SAXO1: variants seen among roughly 807,000 people sequenced by gnomAD.
SAXO1 encodes the protein stabilizer of axonemal microtubules 1, also known as 4930500O09Rik.
A neutral mutation model predicts 17.5 loss-of-function variants in SAXO1; 21 were observed. The observed-to-expected ratio is 1.20, with a 90% CI of 0.85 to 1.72. The LOEUF (loss-of-function observed/expected upper bound fraction) is 1.72. Ranked by LOEUF, SAXO1 falls within the 40% of genes most tolerant of loss-of-function variation. SAXO1 has a pLI of 0.00. For synonymous variants in SAXO1, 274 were observed against 216.5 expected, an observed-to-expected ratio of 1.27 and a Z score of -2.33; for missense variants, 843 against 596.0, an observed-to-expected ratio of 1.41 and a Z score of -4.32.
At chr9:18,967,666 C>A (rs1337816696) in intron 1 of SAXO1, among the ~76,000 whole-genome samples, 1 of 152,194 alleles carries the variant, frequency 6.6e-6, no homozygotes, top group African/African-American at 2.4e-5. Flanking sequence ...GCCAGCGGAT[C>A]TTAGCTTGTT....
At chr9:19,006,577 C>G (rs930050568) in intron 1 of SAXO1, among the ~76,000 whole-genome samples, 1 of 152,124 alleles carries the variant, frequency 6.6e-6, no homozygotes, top group African/African-American at 2.4e-5. Flanking sequence ...AATTCACAGA[C>G]AGTAAGTACA....
intron 1 of SAXO1, among the ~76,000 whole-genome samples, chr9:18,982,071 TCTCC>T (rs1312721766): frequency 6.6e-6 from 1 of 152,138 alleles, no homozygotes; most frequent in Non-Finnish European, 1.5e-5. Flanking sequence ...CACTCTGTGT[TCTCC>T]CTCCATTCTG....
chr9:18,949,598 C>T (rs1588427029), intron 2 of SAXO1, among the ~76,000 whole-genome samples: 1 of 152,200 alleles, frequency 6.6e-6, no homozygotes, highest in Non-Finnish European at 1.5e-5. Flanking sequence ...ATTGTGGGTG[C>T]TCCTGCCCCA....
chr9:19,027,161 G>T, intron 1 of SAXO1: 1 of 1,172,918 alleles, frequency 8.5e-7, no homozygotes, highest in Non-Finnish European at 1.3e-6. Flanking sequence ...ATCAAGAGGA[G>T]GATGGTCCAA....
chr9:18,934,475 G>C (rs530499875), intron 3 of SAXO1, among the ~76,000 whole-genome samples: 7 of 152,142 alleles, frequency 4.6e-5, no homozygotes, highest in African/African-American at 1.4e-4. Context: ...TTTTATTTTA[G>C]TTATTGCCCT....
chr9:19,014,003 A>T (rs1165430890), intron 1 of SAXO1, among the ~76,000 whole-genome samples: 6 of 152,194 alleles, frequency 3.9e-5, no homozygotes, highest in Admixed American at 6.5e-5. Context: ...GTTAATAACA[A>T]CGTATGAATA....
intron 1 of SAXO1, among the ~76,000 whole-genome samples, chr9:18,982,738 G>C (rs944411197): frequency 5.3e-5 from 8 of 152,188 alleles, no homozygotes; most frequent in African/African-American, 1.9e-4. Flanking sequence ...GTCTGCTTTT[G>C]AACATAACTG....
intron 1 of SAXO1, among the ~76,000 whole-genome samples, chr9:18,975,635 C>G (rs551779251): frequency 2.6e-5 from 4 of 152,282 alleles, no homozygotes; most frequent in African/African-American, 9.6e-5. Flanking sequence ...GTGAGAAGGC[C>G]TCTACAGCAG....
chr9:19,045,208 G>C (rs1836179620), intron 1 of SAXO1, among the ~76,000 whole-genome samples: 1 of 150,586 alleles, frequency 6.6e-6, no homozygotes, highest in Admixed American at 6.6e-5. Context: ...TACTCGGGAG[G>C]CTGAGGCAGG....
At chr9:19,040,370 A>T (rs185329208) in intron 1 of SAXO1, among the ~76,000 whole-genome samples, 1 of 152,282 alleles carries the variant, frequency 6.6e-6, no homozygotes, top group Non-Finnish European at 1.5e-5. Flanking sequence ...AAATGTTTTT[A>T]AAAAGAAAAA....
At chr9:18,972,678 C>G (rs1263317067) in intron 1 of SAXO1, among the ~76,000 whole-genome samples, 1 of 152,208 alleles carries the variant, frequency 6.6e-6, no homozygotes, top group Non-Finnish European at 1.5e-5. Flanking sequence ...GACCTGGAGT[C>G]TCCAACTCTT....
intron 2 of SAXO1, 67 bp from the exon 3 acceptor site, chr9:18,941,906 A>G: frequency 2.1e-6 from 3 of 1,437,922 alleles, no homozygotes; most frequent in East Asian, 2.3e-5. Flanking sequence ...TTTCTGCTCA[A>G]CCCAACTCTA....
In SAXO1 at chr9:19,024,777, G is replaced by A. The variant is rs971422672; in HGVS notation, c.38+8094C>T. ...TATTGGTCTCATTCATCTAAGGGTA[G>A]CTGTTTCCACCCCTCCACCACCCAT... On this transcript the variant is annotated intron_variant, in intron 1 of 3. Transcript: ENST00000380534. 3.3e-5 allele frequency among the ~76,000 whole-genome samples: 5 copies of A among 151,906 alleles called. 1 individual carries two copies. The highest frequency in any genetic ancestry group is 1.3e-4 in the Admixed American group (2 of 15,252).
rs1563920649 is a variant in SAXO1 at position 18,928,293 on chromosome 9, C to T, written c.1184G>A (p.Gly395Asp). ...TTCCACAGGGACATTTCCTCGAGGG[C>T]CAGACCAATGAGGCTTACAGCTTTT... ...NTKSCKPHWSGPRGNVPVESQ... is the reference protein window; with the variant it reads ...NTKSCKPHWSDPRGNVPVESQ... The change falls in exon 4 of 4, where the codon GGC becomes GAC. Residue 395 changes from glycine (G) to aspartate (D), a missense_variant. Gly to Asp is a moderately conservative substitution (Grantham distance 94, BLOSUM62 -1). Coordinates refer to ENST00000380534, the MANE Select transcript of SAXO1 (RefSeq NM_153707.4). The T allele has an allele frequency of 6.2e-7, 1 of 1,612,832 alleles. No homozygotes were observed. Among genetic ancestry groups the T allele is most frequent in the Middle Eastern group, 1.7e-4 (1 of 6,058 alleles).
At chr9:18,974,679 A>G (rs1833066286) in intron 1 of SAXO1, among the ~76,000 whole-genome samples, 1 of 152,170 alleles carries the variant, frequency 6.6e-6, no homozygotes, top group South Asian at 2.1e-4. Context: ...TGAACAAAAC[A>G]GATCAATGAG....
At position 18,928,588 on chromosome 9, in the gene SAXO1, G is replaced by A; in HGVS notation, c.889C>T (p.Pro297Ser). Residue 297 changes from proline (P) to serine (S), a missense_variant, in exon 4 of 4, where the codon CCC (proline) becomes TCC (serine). Physicochemically the swap from Pro to Ser is moderately conservative, Grantham distance 74. Transcript: ENST00000380534. ...GTCAGAAGATCCATCCTGTCTTCGGGAGGGACGTAGGTGATGGGAGCTTTG... is the reference window on the plus strand; with the variant it reads ...GTCAGAAGATCCATCCTGTCTTCGGAAGGGACGTAGGTGATGGGAGCTTTG... ...FSKAPITYVP[P>S]EDRMDLLTTV... 1 of 1,614,134 alleles carries A rather than the reference G, an allele frequency of 6.2e-7. No homozygotes were observed. Among genetic ancestry groups the A allele is most frequent in the Non-Finnish European group, 8.5e-7 (1 of 1,180,018 alleles).
intron 1 of SAXO1, among the ~76,000 whole-genome samples, chr9:18,961,111 A>T (rs1015602854): frequency 2.2e-4 from 34 of 152,186 alleles, no homozygotes; most frequent in African/African-American, 8.2e-4. Context: ...AAGGAAACAA[A>T]TGCTAAAGTA....
intron 1 of SAXO1, among the ~76,000 whole-genome samples, chr9:19,001,714 C>T (rs1051458167): frequency 2.0e-5 from 3 of 150,304 alleles, no homozygotes; most frequent in African/African-American, 4.9e-5. Flanking sequence ...AAAGACACAA[C>T]GTACCAGAAT....
intron 1 of SAXO1, among the ~76,000 whole-genome samples, chr9:18,955,000 C>T (rs144299715): frequency 3.6e-4 from 54 of 151,816 alleles, no homozygotes; most frequent in Admixed American, 3.0e-3. Flanking sequence ...ATGTCATACA[C>T]GTCATTTTTA....
Sources: gnomAD v4.1 joint callset for allele counts (sites outside exome capture counted in the v4.1 genomes callset) on GRCh38, gnomAD v4.1.1 for gene constraint, MANE v1.5 for transcripts, NCBI Gene and HGNC (gene_info 2026-07-23, HGNC 2026-07-21) for gene names.